AMD1: variants seen among roughly 807,000 people sequenced by gnomAD.
The protein encoded by AMD1 is adenosylmethionine decarboxylase 1, also known as S-adenosylmethionine decarboxylase proenzyme.
A neutral mutation model predicts 40.2 loss-of-function variants in AMD1; 11 were observed. The observed-to-expected ratio is 0.27, with a 90% confidence interval of 0.17 to 0.45. The LOEUF (loss-of-function observed/expected upper bound fraction) is 0.45. AMD1 is among the 20% of genes least tolerant of loss of function. AMD1 has a pLI of 1.00. For missense variants in AMD1, 257 were observed against 410.2 expected, an observed-to-expected ratio of 0.63 and a Z score of 3.23; for synonymous variants, 121 against 130.8, an observed-to-expected ratio of 0.93 and a Z score of 0.51.
chr6:110,878,311 T>A (rs1785220404), intron 1 of AMD1, among the ~76,000 whole-genome samples: 1 of 152,216 alleles, frequency 6.6e-6, no homozygotes, highest in Non-Finnish European at 1.5e-5. Context: ...GAATACACTT[T>A]AAACAAACTT....
chr6:110,882,491 T>G (rs1185463104), intron 1 of AMD1, among the ~76,000 whole-genome samples: 16 of 152,236 alleles, frequency 1.1e-4, no homozygotes, highest in Admixed American at 1.0e-3. Context: ...GCAGGCCATT[T>G]TTTCCCACAG....
At chr6:110,855,654 C>T in the AMD1 span, among the ~76,000 whole-genome samples, 1 of 152,064 alleles carries the variant, frequency 6.6e-6, no homozygotes, top group African/African-American at 2.4e-5. Context: ...ATACAGATTA[C>T]AGGGAATCCG....
upstream of AMD1, among the ~76,000 whole-genome samples, chr6:110,870,388 G>A (rs936923633): frequency 1.3e-5 from 2 of 152,196 alleles, no homozygotes; most frequent in Non-Finnish European, 2.9e-5. Flanking sequence ...ACTCTGGGAG[G>A]TTGAGGTGGG....
intron 1 of AMD1, among the ~76,000 whole-genome samples, chr6:110,880,758 C>G (rs137948357): frequency 6.6e-6 from 1 of 152,070 alleles, no homozygotes; most frequent in Non-Finnish European, 1.5e-5. Context: ...CTGTAGCCTC[C>G]GCCTCCTGGG....
At chr6:110,858,557 G>C in the AMD1 span, 1 of 1,600,750 alleles carries the variant, frequency 6.2e-7, no homozygotes, top group Middle Eastern at 2.2e-4. Context: ...GGACCTGTTC[G>C]ATGCCAACGA....
At chr6:110,833,401 CA>C in the AMD1 span, among the ~76,000 whole-genome samples, 3 of 151,838 alleles carry the variant, frequency 2.0e-5, no homozygotes, top group Non-Finnish European at 2.9e-5. Context: ...TTGTATGTAC[CA>C]GGGGGAAAAA....
At chr6:110,886,744 A>G (rs1278012836) in intron 1 of AMD1, among the ~76,000 whole-genome samples, 1 of 152,152 alleles carries the variant, frequency 6.6e-6, no homozygotes, top group African/African-American at 2.4e-5. Context: ...CTGCACTTCA[A>G]CCTGGGCGAC....
In AMD1 at chr6:110,893,468, T is replaced by C. The variant is rs1412272160; in HGVS notation, c.865-8T>C. On this transcript the variant is annotated splice_region_variant and splice_polypyrimidine_tract_variant and intron_variant, in intron 8 of 8. Coordinates refer to ENST00000368885, the MANE Select transcript of AMD1 (RefSeq NM_001634.6). ...AAACACTAACGGTTATTTAATTTTT[T>C]CCCCCAGAGTTCTAAATGTCGCACA... 6.2e-7 allele frequency: 1 copy of C among 1,612,760 alleles called. No individual in the cohort carries two copies. The highest frequency in any genetic ancestry group is 8.5e-7 in the Non-Finnish European group (1 of 1,179,554).
the AMD1 span, among the ~76,000 whole-genome samples, chr6:110,835,868 C>A: frequency 1.3e-5 from 2 of 150,744 alleles, no homozygotes; most frequent in Admixed American, 1.3e-4. Context: ...TCCATCCCCC[C>A]ACCCCACCCC....
At chr6:110,885,371 C>G (rs1453851455) in intron 1 of AMD1, among the ~76,000 whole-genome samples, 1 of 152,014 alleles carries the variant, frequency 6.6e-6, no homozygotes, top group African/African-American at 2.4e-5. Context: ...CCTCGGCTGC[C>G]CAAAGTGGTG....
the AMD1 span, among the ~76,000 whole-genome samples, chr6:110,852,806 A>C: frequency 1.5e-3 from 235 of 152,312 alleles, no homozygotes; most frequent in African/African-American, 5.3e-3. Context: ...ATAGGTAGTC[A>C]ATGAATATTT....
At chr6:110,885,016 A>G (rs927796707) in intron 1 of AMD1, among the ~76,000 whole-genome samples, 2 of 152,210 alleles carry the variant, frequency 1.3e-5, no homozygotes, top group African/African-American at 2.4e-5. Context: ...ATTTTTATTT[A>G]CCTTCATATT....
chr6:110,839,667 T>C, the AMD1 span, among the ~76,000 whole-genome samples: 6 of 152,216 alleles, frequency 3.9e-5, no homozygotes, highest in African/African-American at 1.4e-4. Context: ...ATGTATTCTA[T>C]CCAGTATTTT....
At position 110,888,891 on chromosome 6, in the gene AMD1, A is replaced by G; in HGVS notation, c.232A>G (p.Ile78Val). 1 of 1,613,088 alleles carries G rather than the reference A, an allele frequency of 6.2e-7. No individual in the cohort carries two copies. The change falls in exon 3 of 9, where the codon ATT becomes GTT. Residue 78 changes from isoleucine (I) to valine (V), a missense_variant. Ile to Val is a conservative substitution (Grantham distance 29, BLOSUM62 3). Around this residue, in one of 3 missense-constraint regions of AMD1, gnomAD observed 8 missense variants for 36.9 expected, o/e 0.22. Transcript: ENST00000368885. ...SSMFVSKRRFILKTCGTTLLL... is the reference protein window; with the variant it reads ...SSMFVSKRRFVLKTCGTTLLL... Reference sequence around the variant, plus strand: ...CATGTTTGTCTCCAAGAGACGTTTCATTTTGAAGACATGTGGTACCACCCT... The same window carrying G: ...CATGTTTGTCTCCAAGAGACGTTTCGTTTTGAAGACATGTGGTACCACCCT...
the AMD1 span, among the ~76,000 whole-genome samples, chr6:110,865,435 C>T: frequency 6.6e-6 from 1 of 152,158 alleles, no homozygotes; most frequent in African/African-American, 2.4e-5. Flanking sequence ...ACTCTGTCAC[C>T]CAGTCTGAAG....
intron 1 of AMD1, among the ~76,000 whole-genome samples, chr6:110,875,850 C>A (rs987560314): frequency 2.0e-5 from 3 of 152,112 alleles, no homozygotes; most frequent in African/African-American, 7.2e-5. Flanking sequence ...GGCGGGGCCC[C>A]ACCGCTCCCC....
At position 110,874,987 on chromosome 6, in the gene AMD1, G is replaced by A; in HGVS notation, c.-119G>A. 4.5e-5 allele frequency: 29 copies of A among 648,028 alleles called. No homozygotes were observed. Among genetic ancestry groups the A allele is most frequent in the Middle Eastern group, 4.1e-4 (1 of 2,418 alleles). The allele number at this position is 648,028 out of a possible 1,614,324, so 40.1% of individuals were successfully genotyped here. A position where few individuals can be genotyped will look rare whatever the true frequency, so the allele number is the denominator to read the frequency against. On this transcript the variant is annotated 5_prime_UTR_variant, in exon 1 of 9. Transcript: ENST00000368885. ...TATAAAATTATAGCAAAAAAAAAAA[G>A]GAACCTGAACTTTAGTAACACAGCT... is the stretch of plus-strand genomic sequence containing the variant.
At chr6:110,835,604 G>A in the AMD1 span, among the ~76,000 whole-genome samples, 28 of 152,098 alleles carry the variant, frequency 1.8e-4, no homozygotes, top group Middle Eastern at 6.8e-3. Flanking sequence ...AGTGGTTCAC[G>A]CCTGTAATCC....
the AMD1 span, among the ~76,000 whole-genome samples, chr6:110,851,970 A>G: frequency 6.6e-6 from 1 of 152,188 alleles, no homozygotes; most frequent in Non-Finnish European, 1.5e-5. Context: ...TAAAATGTGC[A>G]TAAATTGAAT....
Sources: gnomAD v4.1 joint callset for allele counts (sites outside exome capture counted in the v4.1 genomes callset) on GRCh38, gnomAD v4.1.1 for gene constraint, gnomAD v4.1.1 regional missense constraint, MANE v1.5 for transcripts, NCBI Gene and HGNC (gene_info 2026-07-23, HGNC 2026-07-21) for gene names.